MPC2: variants seen among roughly 807,000 people sequenced by gnomAD.
MPC2 encodes mitochondrial pyruvate carrier 2.
A neutral mutation model predicts 19.2 loss-of-function variants in MPC2; 19 were observed. The observed-to-expected ratio is 0.99, with a 90% CI of 0.69 to 1.45. The LOEUF (loss-of-function observed/expected upper bound fraction) is 1.45. Among genes scored for constraint, MPC2 ranks in the 40% most tolerant of loss-of-function variants. MPC2 has a pLI of 0.00. For missense variants in MPC2, 122 were observed against 153.0 expected (o/e 0.80, Z 1.07); for synonymous variants, 61 against 54.3 (o/e 1.12, Z -0.54).
chr1:167,930,744 A>AC (rs912328522), intron 2 of MPC2, among the ~76,000 whole-genome samples: 1 of 152,230 alleles, frequency 6.6e-6, no homozygotes, highest in Non-Finnish European at 1.5e-5. Flanking sequence ...TTTCTACTGT[A>AC]CCATACAGCA....
chr1:167,934,648 T>C (rs1011796469), intron 2 of MPC2, among the ~76,000 whole-genome samples: 1 of 152,214 alleles, frequency 6.6e-6, no homozygotes, highest in Non-Finnish European at 1.5e-5. Context: ...AGAGAGCTGG[T>C]TCATAATCAG....
intron 3 of MPC2, among the ~76,000 whole-genome samples, chr1:167,920,863 G>A (rs1489587295): frequency 6.6e-6 from 1 of 152,086 alleles, no homozygotes; most frequent in African/African-American, 2.4e-5. Flanking sequence ...TCACATATCT[G>A]AAAGTCAGTA....
intron 1 of MPC2, 128 bp downstream of exon 1, chr1:167,936,811 G>T: frequency 9.2e-7 from 1 of 1,081,114 alleles, no homozygotes; most frequent in Non-Finnish European, 1.4e-6. Context: ...CCCGGCGCGC[G>T]GATGGTGCCG....
At chr1:167,928,753 T>C (rs1272915742) in intron 2 of MPC2, among the ~76,000 whole-genome samples, 1 of 152,214 alleles carries the variant, frequency 6.6e-6, no homozygotes, top group East Asian at 1.9e-4. Context: ...GTGAAGTGAT[T>C]ATAATACCTT....
chr1:167,919,959 A>G lies in MPC2; in HGVS notation c.347+20T>C. 1 of 1,573,506 alleles carries G rather than the reference A, an allele frequency of 6.4e-7. No individual in the cohort carries two copies. The highest frequency in any genetic ancestry group is 8.6e-7 in the Non-Finnish European group (1 of 1,158,294). Reference sequence around the variant, plus strand: ...AAGTAGCTTTTGCAACAGTTTTAAAAATATCTCTGGTAGGCTTACCTCCAA... The same window carrying G: ...AAGTAGCTTTTGCAACAGTTTTAAAGATATCTCTGGTAGGCTTACCTCCAA... On this transcript the variant is annotated intron_variant, in intron 5 of 5. Transcript: ENST00000271373.
intron 2 of MPC2, among the ~76,000 whole-genome samples, chr1:167,933,362 T>G (rs1347098592): frequency 6.6e-6 from 1 of 152,146 alleles, no homozygotes; most frequent in Non-Finnish European, 1.5e-5. Context: ...AGATAGGGTT[T>G]CATCATGTTG....
chr1:167,937,001 C>T lies in MPC2; in HGVS notation c.-120G>A. The T allele has an allele frequency of 2.5e-6, 4 of 1,609,284 alleles. No homozygotes were observed. Among genetic ancestry groups the T allele is most frequent in the African/African-American group, 1.3e-5 (1 of 74,998 alleles). On this transcript the variant is annotated 5_prime_UTR_variant, in exon 1 of 6. Transcript: ENST00000271373. Reference sequence around the variant, plus strand: ...AGGACCCGTCCCGGCTGCGGAGTCGCTACCTGGGTGAGCGGGGGCCCCGGG... The same window carrying T: ...AGGACCCGTCCCGGCTGCGGAGTCGTTACCTGGGTGAGCGGGGGCCCCGGG...
In MPC2 at chr1:167,937,033, G is replaced by T. The variant is rs575553925; in HGVS notation, c.-152C>A. ...GGTGAGCGGGGGCCCCGGGGCGGAGGCGCTGAGGTCGCCGCCTAGAGTGGG... is the reference window on the plus strand; with the variant it reads ...GGTGAGCGGGGGCCCCGGGGCGGAGTCGCTGAGGTCGCCGCCTAGAGTGGG... On this transcript the variant is annotated 5_prime_UTR_variant, in exon 1 of 6. Coordinates refer to ENST00000271373, the MANE Select transcript of MPC2 (RefSeq NM_001143674.4). 6.3e-7 allele frequency: 1 copy of T among 1,586,774 alleles called. No individual in the cohort carries two copies. Among genetic ancestry groups the T allele is most frequent in the Non-Finnish European group, 8.6e-7 (1 of 1,163,622 alleles).
At chr1:167,930,829 T>G (rs1297605096) in intron 2 of MPC2, among the ~76,000 whole-genome samples, 1 of 152,256 alleles carries the variant, frequency 6.6e-6, no homozygotes, top group Non-Finnish European at 1.5e-5. Flanking sequence ...AAACTATTTA[T>G]AGCTTAGGGC....
intron 3 of MPC2, among the ~76,000 whole-genome samples, chr1:167,922,294 T>C (rs970607427): frequency 1.3e-5 from 2 of 152,138 alleles, no homozygotes; most frequent in Non-Finnish European, 2.9e-5. Flanking sequence ...TTTATGAGTA[T>C]ATAATGCTGT....
chr1:167,920,411 T>C (rs1297675747), intron 4 of MPC2, 136 bp downstream of exon 4: 14 of 923,412 alleles, frequency 1.5e-5, no homozygotes, highest in Non-Finnish European at 2.2e-5. Flanking sequence ...ACTTAATAAC[T>C]TCCTAGACAT....
At chr1:167,918,679 T>C (rs1289219669) in intron 5 of MPC2, among the ~76,000 whole-genome samples, 2 of 149,256 alleles carry the variant, frequency 1.3e-5, no homozygotes, top group Admixed American at 6.7e-5. Context: ...CTGCAAGCTC[T>C]GCCTCCCGGG....
intron 2 of MPC2, among the ~76,000 whole-genome samples, chr1:167,926,189 G>A (rs1047758279): frequency 1.3e-5 from 2 of 152,144 alleles, no homozygotes; most frequent in African/African-American, 2.4e-5. Context: ...CGAATTTTCC[G>A]TATTTTAAGT....
chr1:167,929,932 C>A (rs1370115655), intron 2 of MPC2, among the ~76,000 whole-genome samples: 1 of 152,116 alleles, frequency 6.6e-6, no homozygotes, highest in Non-Finnish European at 1.5e-5. Flanking sequence ...CTTTTTAACA[C>A]CCCTCTTAAT....
intron 3 of MPC2, 42 bp from the exon 4 acceptor site, chr1:167,920,673 T>C: frequency 6.3e-7 from 1 of 1,577,198 alleles, no homozygotes; most frequent in Non-Finnish European, 8.6e-7. Flanking sequence ...ATCACAAATG[T>C]GGAGTAATAG....
At chr1:167,925,459 A>ATATC (rs1670719594) in intron 2 of MPC2, among the ~76,000 whole-genome samples, 2 of 113,910 alleles carry the variant, frequency 1.8e-5, no homozygotes, top group African/African-American at 7.9e-5. Flanking sequence ...ATATATATAT[A>ATATC]TATATATATA....
chr1:167,920,769 G>A, intron 3 of MPC2, 138 bp from the exon 4 acceptor site: 1 of 856,740 alleles, frequency 1.2e-6, no homozygotes, highest in Non-Finnish European at 1.7e-6. Context: ...TTAAGAAAAT[G>A]TAGATTACAA....
At chr1:167,922,254 T>C (rs1462434363) in intron 3 of MPC2, among the ~76,000 whole-genome samples, 1 of 152,140 alleles carries the variant, frequency 6.6e-6, no homozygotes, top group African/African-American at 2.4e-5. Context: ...AAAATAGATG[T>C]TCTTAAAGAG....
In MPC2 at chr1:167,918,243, G is replaced by T; in HGVS notation, c.*80C>A. 1 of 1,168,202 alleles carries T rather than the reference G, an allele frequency of 8.6e-7. No individual in the cohort carries two copies. 72.4% of individuals were successfully genotyped at this position (1,168,202 alleles called of 1,614,324 possible). A position where few individuals can be genotyped will look rare whatever the true frequency, so the allele number is the denominator to read the frequency against. On this transcript the variant is annotated 3_prime_UTR_variant, in exon 6 of 6. Coordinates refer to ENST00000271373, the MANE Select transcript of MPC2 (RefSeq NM_001143674.4). Reference sequence around the variant, plus strand: ...GCCTTCTAAACACACAGTTAGCTTTGCTTTATCAATAACCAAATAATAAAC... The same window carrying T: ...GCCTTCTAAACACACAGTTAGCTTTTCTTTATCAATAACCAAATAATAAAC...
Sources: gnomAD v4.1 joint callset for allele counts (sites outside exome capture counted in the v4.1 genomes callset) on GRCh38, gnomAD v4.1.1 for gene constraint, MANE v1.5 for transcripts, NCBI Gene and HGNC (gene_info 2026-07-23, HGNC 2026-07-21) for gene names.